The following LHFPL3 variants were observed in gnomAD, a reference collection of about 807,000 sequenced individuals.
LHFPL3 encodes LHFPL tetraspan subfamily member 3 protein.
A neutral mutation model predicts 19.3 loss-of-function variants in LHFPL3; 5 were observed. The ratio of observed to expected loss-of-function variants is 0.26; its 90% confidence interval spans 0.14 to 0.54. LHFPL3 has a LOEUF of 0.54. Ranked by LOEUF, LHFPL3 falls within the 20% of genes least tolerant of loss-of-function variation. LHFPL3 has a pLI of 0.94. For synonymous variants in LHFPL3, 133 were observed against 126.2 expected (o/e 1.05, Z -0.36); for missense variants, 249 against 307.4 (o/e 0.81, Z 1.42).
At chr7:104,392,863 G>A (rs193016013) in intron 1 of LHFPL3, among the ~76,000 whole-genome samples, 4 of 152,214 alleles carry the variant, frequency 2.6e-5, no homozygotes, top group East Asian at 1.9e-4. Flanking sequence ...CTCAATTTCC[G>A]AGCCTGTTAT....
chr7:104,870,148 G>A (rs1210760061), intron 2 of LHFPL3, among the ~76,000 whole-genome samples: 2 of 152,128 alleles, frequency 1.3e-5, no homozygotes, highest in African/African-American at 4.8e-5. Flanking sequence ...GTTAAATGAC[G>A]AGTTACTGGG....
chr7:104,409,180 G>A (rs1791484957), intron 1 of LHFPL3, among the ~76,000 whole-genome samples: 1 of 151,958 alleles, frequency 6.6e-6, no homozygotes, highest in South Asian at 2.1e-4. Flanking sequence ...CCGGCCTAGT[G>A]TTGTAATTTT....
At chr7:104,570,896 C>A (rs1790219203) in intron 1 of LHFPL3, among the ~76,000 whole-genome samples, 1 of 152,070 alleles carries the variant, frequency 6.6e-6, no homozygotes, top group East Asian at 1.9e-4. Context: ...AAATTTACAC[C>A]CTACTTAAAT....
intron 2 of LHFPL3, among the ~76,000 whole-genome samples, chr7:104,797,283 G>A (rs1273329507): frequency 6.6e-6 from 1 of 152,204 alleles, no homozygotes; most frequent in Non-Finnish European, 1.5e-5. Context: ...CCTGGCACAT[G>A]ATAGGATTGT....
chr7:104,715,803 G>A (rs578008964), intron 1 of LHFPL3, among the ~76,000 whole-genome samples: 2 of 152,264 alleles, frequency 1.3e-5, no homozygotes, highest in African/African-American at 4.8e-5. Flanking sequence ...TTGGTATTTT[G>A]TTGAGGATTT....
intron 1 of LHFPL3, among the ~76,000 whole-genome samples, chr7:104,406,767 C>T (rs1014923297): frequency 2.6e-5 from 4 of 152,246 alleles, no homozygotes; most frequent in African/African-American, 7.2e-5. Context: ...TCACTGATCT[C>T]TTCTTGGGGC....
chr7:104,593,400 G>C (rs1790769400), intron 1 of LHFPL3, among the ~76,000 whole-genome samples: 1 of 152,198 alleles, frequency 6.6e-6, no homozygotes, highest in Admixed American at 6.5e-5. Flanking sequence ...TGTGGTCTGA[G>C]AGACAGTTTG....
At chr7:104,340,908 G>A (rs1486445602) in intron 1 of LHFPL3, among the ~76,000 whole-genome samples, 1 of 152,088 alleles carries the variant, frequency 6.6e-6, no homozygotes, top group African/African-American at 2.4e-5. Context: ...CTTAAAAAAA[G>A]GAAGCCATGT....
intron 2 of LHFPL3, among the ~76,000 whole-genome samples, chr7:104,903,893 A>G (rs1792544276): frequency 6.6e-6 from 1 of 152,216 alleles, no homozygotes; most frequent in African/African-American, 2.4e-5. Context: ...CAACGAACAT[A>G]TGAGTGCATG....
At chr7:104,610,757 G>T (rs1006765067) in intron 1 of LHFPL3, among the ~76,000 whole-genome samples, 2 of 152,326 alleles carry the variant, frequency 1.3e-5, no homozygotes, top group East Asian at 3.9e-4. Context: ...TAATTCAAAT[G>T]CTCATCTCAT....
At chr7:104,523,026 A>G (rs1794104855) in intron 1 of LHFPL3, among the ~76,000 whole-genome samples, 2 of 151,522 alleles carry the variant, frequency 1.3e-5, no homozygotes, top group South Asian at 4.1e-4. Flanking sequence ...ACATATATAC[A>G]TATACACACA....
chr7:104,743,414 G>A (rs1427700290), intron 2 of LHFPL3, among the ~76,000 whole-genome samples: 1 of 152,180 alleles, frequency 6.6e-6, no homozygotes, highest in East Asian at 1.9e-4. Flanking sequence ...GCAGGTATTA[G>A]TCATGTGACT....
intron 1 of LHFPL3, among the ~76,000 whole-genome samples, chr7:104,536,662 C>T (rs533865445): frequency 1.5e-4 from 23 of 152,324 alleles, no homozygotes; most frequent in African/African-American, 4.1e-4. Flanking sequence ...TGTTTCCCCT[C>T]GGGTGTCAGC....
intron 1 of LHFPL3, among the ~76,000 whole-genome samples, chr7:104,718,091 T>C (rs1793424171): frequency 6.6e-6 from 1 of 152,108 alleles, no homozygotes; most frequent in African/African-American, 2.4e-5. Flanking sequence ...CTATCTAAAA[T>C]AGTTAAACTC....
intron 1 of LHFPL3, among the ~76,000 whole-genome samples, chr7:104,735,137 G>A (rs1332211870): frequency 6.6e-6 from 1 of 152,230 alleles, no homozygotes; most frequent in Non-Finnish European, 1.5e-5. Flanking sequence ...TACTAGGGGT[G>A]CCTCCCAGAT....
intron 2 of LHFPL3, among the ~76,000 whole-genome samples, chr7:104,903,902 T>C (rs1164252012): frequency 6.6e-6 from 1 of 152,244 alleles, no homozygotes; most frequent in Non-Finnish European, 1.5e-5. Flanking sequence ...TATGAGTGCA[T>C]GTGTCTTTTT....
At chr7:104,523,042 A>T (rs943487242) in intron 1 of LHFPL3, among the ~76,000 whole-genome samples, 2 of 152,006 alleles carry the variant, frequency 1.3e-5, no homozygotes. Flanking sequence ...ACACATATGC[A>T]CATTATATAT....
chr7:104,402,583 A>G (rs1328000027), intron 1 of LHFPL3, among the ~76,000 whole-genome samples: 1 of 152,212 alleles, frequency 6.6e-6, no homozygotes, highest in African/African-American at 2.4e-5. Context: ...ACTTCCCATT[A>G]CATTTCACCC....
intron 2 of LHFPL3, among the ~76,000 whole-genome samples, chr7:104,784,757 C>T (rs1042929527): frequency 1.3e-5 from 2 of 152,176 alleles, no homozygotes; most frequent in African/African-American, 4.8e-5. Flanking sequence ...ACTTTCATGT[C>T]ATAGGCTGCC....
Sources: allele counts gnomAD v4.1 joint callset (sites outside exome capture counted in the v4.1 genomes callset), GRCh38; gene constraint gnomAD v4.1.1; transcripts MANE v1.5; gene names NCBI Gene and HGNC (gene_info 2026-07-23, HGNC 2026-07-21).